Variants in PLA2G4A observed in about 807,000 individuals in gnomAD.
PLA2G4A encodes the protein cytosolic phospholipase A2.
Under a neutral mutation model 81.9 loss-of-function variants are expected in PLA2G4A, and 40 were observed. The ratio of observed to expected loss-of-function variants is 0.49; its 90% CI spans 0.38 to 0.64. The LOEUF (loss-of-function observed/expected upper bound fraction) is 0.64, where lower values mean the gene tolerates loss of function less well. Among genes scored for constraint, PLA2G4A ranks in the 30% least tolerant of loss-of-function variants. The pLI is 0.00. For synonymous variants in PLA2G4A, 302 were observed against 296.9 expected (o/e 1.02, Z -0.18); for missense variants, 715 against 905.1 (o/e 0.79, Z 2.69).
At chr1:186,857,118 ATATTC>A (rs372788396) in intron 2 of PLA2G4A, among the ~76,000 whole-genome samples, 1 of 17,484 alleles carries the variant, frequency 5.7e-5, no homozygotes, top group African/African-American at 3.5e-4. Flanking sequence ...TAATTATATA[ATATTC>A]TATAATATAT....
At position 186,906,946 on chromosome 1, in the gene PLA2G4A, T is replaced by G; in HGVS notation, c.379-19T>G. 1 of 1,377,736 alleles carries G rather than the reference T, an allele frequency of 7.3e-7. No individual in the cohort carries two copies. Among genetic ancestry groups the G allele is most frequent in the Non-Finnish European group, 1.0e-6 (1 of 965,896 alleles). The allele number at this position is 1,377,736 out of a possible 1,614,324, so 85.3% of individuals were successfully genotyped here. A position where few individuals can be genotyped will look rare whatever the true frequency, so the allele number is the denominator to read the frequency against. On this transcript the variant is annotated intron_variant, in intron 5 of 17. Transcript: ENST00000367466. ...ATATCTACTTTATGACCTAATCTGATTAACATGTCTTTTTTTAGGTCACTG... is the reference window on the plus strand; with the variant it reads ...ATATCTACTTTATGACCTAATCTGAGTAACATGTCTTTTTTTAGGTCACTG...
At chr1:186,909,111 C>T (rs1654847963) in intron 6 of PLA2G4A, among the ~76,000 whole-genome samples, 1 of 149,658 alleles carries the variant, frequency 6.7e-6, no homozygotes, top group Non-Finnish European at 1.5e-5. Flanking sequence ...GTAGCTGGGA[C>T]TACAGGCGCC....
intron 2 of PLA2G4A, among the ~76,000 whole-genome samples, chr1:186,861,967 A>G (rs1652818158): frequency 6.7e-6 from 1 of 149,344 alleles, no homozygotes; most frequent in African/African-American, 2.4e-5. Flanking sequence ...AAGTAAAATA[A>G]TATATTTAAT....
intron 3 of PLA2G4A, among the ~76,000 whole-genome samples, chr1:186,882,554 AT>A (rs1363107440): frequency 6.6e-6 from 1 of 152,244 alleles, no homozygotes; most frequent in South Asian, 2.1e-4. Flanking sequence ...GTAGAGTGAT[AT>A]TCCAGTGAAT....
At chr1:186,834,722 T>C (rs2101996368) in intron 1 of PLA2G4A, among the ~76,000 whole-genome samples, 1 of 152,286 alleles carries the variant, frequency 6.6e-6, no homozygotes, top group East Asian at 1.9e-4. Flanking sequence ...AAATACAAAA[T>C]AAACACATTT....
At chr1:186,913,004 A>C (rs1181722246) in intron 7 of PLA2G4A, among the ~76,000 whole-genome samples, 1 of 151,026 alleles carries the variant, frequency 6.6e-6, no homozygotes, top group Non-Finnish European at 1.5e-5. Flanking sequence ...AACAAGAAGA[A>C]AATGCCATAA....
chr1:186,938,744 G>A (rs529598892), intron 8 of PLA2G4A, among the ~76,000 whole-genome samples: 1 of 152,238 alleles, frequency 6.6e-6, no homozygotes, highest in African/African-American at 2.4e-5. Flanking sequence ...ATGGACACTA[G>A]TCCTAGTAGG....
intron 16 of PLA2G4A, among the ~76,000 whole-genome samples, chr1:186,978,550 A>G (rs1007526921): frequency 5.3e-5 from 8 of 152,216 alleles, no homozygotes; most frequent in Non-Finnish European, 7.3e-5. Flanking sequence ...TGTGAAGCAT[A>G]TAGTTCAGCA....
chr1:186,946,580 C>A, intron 10 of PLA2G4A, 57 bp from the exon 11 acceptor site: 1 of 1,190,746 alleles, frequency 8.4e-7, no homozygotes, highest in Non-Finnish European at 1.3e-6. Flanking sequence ...TAATTGTGCA[C>A]ACCATGCCAT....
At chr1:186,844,792 A>T (rs1377657177) in intron 1 of PLA2G4A, among the ~76,000 whole-genome samples, 1 of 152,246 alleles carries the variant, frequency 6.6e-6, no homozygotes, top group African/African-American at 2.4e-5. Context: ...ATAATAAAAA[A>T]AATTTATTGT....
At chr1:186,831,300 C>T (rs1029288646) in intron 1 of PLA2G4A, among the ~76,000 whole-genome samples, 6 of 152,144 alleles carry the variant, frequency 3.9e-5, no homozygotes, top group Non-Finnish European at 7.4e-5. Context: ...AAGTAAGGAA[C>T]TAACAGTGGA....
intron 7 of PLA2G4A, among the ~76,000 whole-genome samples, chr1:186,919,638 G>A (rs1305048718): frequency 1.3e-5 from 2 of 152,188 alleles, no homozygotes; most frequent in Admixed American, 6.5e-5. Context: ...AGTGTACTGA[G>A]TAGTGACACC....
chr1:186,972,735 A>G (rs1657399860), intron 15 of PLA2G4A, among the ~76,000 whole-genome samples: 1 of 152,138 alleles, frequency 6.6e-6, no homozygotes, highest in Non-Finnish European at 1.5e-5. Flanking sequence ...AAATGAGGGA[A>G]GGAGAGAAGG....
intron 8 of PLA2G4A, among the ~76,000 whole-genome samples, chr1:186,934,754 G>A (rs2102209002): frequency 6.6e-6 from 1 of 151,904 alleles, no homozygotes; most frequent in Admixed American, 6.6e-5. Flanking sequence ...AGGGATTGGA[G>A]ATTGAGACAT....
chr1:186,850,617 C>A (rs1652339738), intron 1 of PLA2G4A, among the ~76,000 whole-genome samples: 1 of 152,122 alleles, frequency 6.6e-6, no homozygotes, highest in Non-Finnish European at 1.5e-5. Context: ...TATGAAGCTA[C>A]TGTTCGTGAA....
intron 1 of PLA2G4A, among the ~76,000 whole-genome samples, chr1:186,832,411 T>A (rs772843108): frequency 5.3e-5 from 8 of 152,168 alleles, no homozygotes; most frequent in Non-Finnish European, 1.2e-4. Context: ...GTTGGGTATT[T>A]TGAGGATTCT....
rs977028044 is a variant in PLA2G4A at position 186,934,447 on chromosome 1, T to C, written c.695+1548T>C. On this transcript the variant is annotated intron_variant, in intron 8 of 17. Transcript: ENST00000367466. Reference sequence around the variant, plus strand: ...TAAAAGGATTTTAAATGTGCACATATATATATATATATATATACATACACA... The same window carrying C: ...TAAAAGGATTTTAAATGTGCACATACATATATATATATATATACATACACA... Among the ~76,000 whole-genome samples the C allele has an allele frequency of 7.3e-4, 62 of 85,344 alleles. 1 individual carries two copies. Among genetic ancestry groups the C allele is most frequent in the African/African-American group, 3.5e-3 (42 of 11,900 alleles). The allele number at this position is 85,344 out of a possible 152,430, so 56.0% of individuals were successfully genotyped here.
intron 2 of PLA2G4A, among the ~76,000 whole-genome samples, chr1:186,864,162 T>C (rs1571345084): frequency 6.6e-6 from 1 of 152,202 alleles, no homozygotes; most frequent in African/African-American, 2.4e-5. Flanking sequence ...TAGTATTCCA[T>C]TGTGTATATG....
At chr1:186,959,934 G>A (rs1047446653) in intron 14 of PLA2G4A, among the ~76,000 whole-genome samples, 1 of 151,242 alleles carries the variant, frequency 6.6e-6, no homozygotes, top group Admixed American at 6.6e-5. Context: ...TAGATATTAG[G>A]TTGGAAAAAT....
Sources: allele counts gnomAD v4.1 joint callset (sites outside exome capture counted in the v4.1 genomes callset), GRCh38; gene constraint gnomAD v4.1.1; transcripts MANE v1.5; gene names NCBI Gene and HGNC (gene_info 2026-07-23, HGNC 2026-07-21).